PKIB: variants seen among roughly 807,000 people sequenced by gnomAD.
The protein encoded by PKIB is cAMP-dependent protein kinase inhibitor beta.
In PKIB, 2 loss-of-function variants were observed where a neutral mutation model predicts 4.5. That is an observed-to-expected ratio of 0.44 (90% confidence interval 0.18 to 1.39). The LOEUF (loss-of-function observed/expected upper bound fraction) is 1.39, where lower values mean the gene tolerates loss of function less well. Among genes scored for constraint, PKIB ranks in the 40% most tolerant of loss-of-function variants. PKIB has a pLI of 0.27. For synonymous variants in PKIB, 38 were observed against 36.0 expected (o/e 1.06, Z -0.20); for missense variants, 94 against 92.6 (o/e 1.02, Z -0.06).
intron 4 of PKIB, 51 bp downstream of exon 4, chr6:122,718,014 A>G (rs1434755091): frequency 6.4e-7 from 1 of 1,553,280 alleles, no homozygotes; most frequent in Non-Finnish European, 8.8e-7. Context: ...CTTCTTAACC[A>G]AGCCTTTTCT....
intron 2 of PKIB, among the ~76,000 whole-genome samples, chr6:122,505,761 T>C (rs1189910950): frequency 1.3e-5 from 2 of 152,290 alleles, no homozygotes; most frequent in South Asian, 2.1e-4. Context: ...ATTATATGAA[T>C]AGGGAGTTAT....
intron 3 of PKIB, among the ~76,000 whole-genome samples, chr6:122,597,807 C>T (rs557347321): frequency 1.3e-5 from 2 of 152,174 alleles, no homozygotes; most frequent in Non-Finnish European, 2.9e-5. Flanking sequence ...TGCATTCTGG[C>T]ACTGGGGAAA....
intron 2 of PKIB, among the ~76,000 whole-genome samples, chr6:122,633,641 C>G (rs895300992): frequency 1.3e-5 from 2 of 152,148 alleles, no homozygotes; most frequent in African/African-American, 4.8e-5. Flanking sequence ...GATATTTCCA[C>G]TCTTAGCTGT....
intron 2 of PKIB, among the ~76,000 whole-genome samples, chr6:122,667,718 C>T (rs555213393): frequency 2.0e-5 from 3 of 152,154 alleles, no homozygotes; most frequent in South Asian, 2.1e-4. Flanking sequence ...GCTTTGCAAG[C>T]AAACATTAAG....
chr6:122,490,954 G>T (rs9398675), intron 2 of PKIB, among the ~76,000 whole-genome samples: 8,559 of 152,204 alleles, frequency 0.056, 343 homozygotes, highest in Non-Finnish European at 0.091. Context: ...TAGTGGCAGT[G>T]AATCTATACT....
At chr6:122,723,794 A>G (rs1390800621) in intron 4 of PKIB, among the ~76,000 whole-genome samples, 1 of 152,164 alleles carries the variant, frequency 6.6e-6, no homozygotes, top group Non-Finnish European at 1.5e-5. Context: ...CTAGAATTGC[A>G]TCCTTCAGGC....
intron 3 of PKIB, among the ~76,000 whole-genome samples, chr6:122,699,986 T>A (rs935589852): frequency 6.6e-5 from 10 of 152,182 alleles, no homozygotes; most frequent in African/African-American, 1.4e-4. Context: ...TGAGCCCTAA[T>A]GCCAGTTAAA....
At chr6:122,722,531 A>G (rs1779785648) in intron 4 of PKIB, among the ~76,000 whole-genome samples, 1 of 152,184 alleles carries the variant, frequency 6.6e-6, no homozygotes, top group Admixed American at 6.5e-5. Context: ...TGAAAGCTAT[A>G]AAGCTTTGTG....
chr6:122,573,544 GA>G lies in PKIB; in HGVS notation c.-247-12367del, dbSNP rs199878368. Among the ~76,000 whole-genome samples, 462 of 134,822 alleles carry G rather than the reference GA, an allele frequency of 3.4e-3. 14 individuals are homozygous for G. The East Asian group carries it at 0.07, about 21-fold the overall frequency. 88.4% of individuals were successfully genotyped at this position (134,822 alleles called of 152,430 possible). On this transcript the variant is annotated intron_variant, in intron 2 of 6. Transcript: ENST00000392491. ...CTCAAAAAAAAAAAAAAAAGAAAAA[GA>G]AAAAAAAAAGAAGAAAAAAGAGATA...
intron 2 of PKIB, among the ~76,000 whole-genome samples, chr6:122,572,541 G>A (rs1481842818): frequency 6.7e-6 from 1 of 149,756 alleles, no homozygotes; most frequent in African/African-American, 2.5e-5. Context: ...AGCAAAAATA[G>A]ACAACCTAAT....
At chr6:122,702,152 C>T (rs996001687) in intron 3 of PKIB, among the ~76,000 whole-genome samples, 5 of 151,952 alleles carry the variant, frequency 3.3e-5, no homozygotes, top group African/African-American at 7.3e-5. Flanking sequence ...AATGAAACCT[C>T]ACATTGAGTG....
chr6:122,653,963 G>A (rs1009989925), intron 2 of PKIB, among the ~76,000 whole-genome samples: 2 of 151,910 alleles, frequency 1.3e-5, no homozygotes, highest in Admixed American at 6.6e-5. Flanking sequence ...GTCTCAAAAC[G>A]AACAAACAAA....
intron 1 of PKIB, among the ~76,000 whole-genome samples, chr6:122,615,080 C>T (rs191510988): frequency 3.2e-4 from 49 of 152,062 alleles, no homozygotes; most frequent in African/African-American, 1.0e-3. Flanking sequence ...AATTTATAAA[C>T]GCCAGGACTT....
intron 2 of PKIB, among the ~76,000 whole-genome samples, chr6:122,656,602 A>G (rs1465599553): frequency 1.3e-5 from 2 of 152,148 alleles, no homozygotes; most frequent in Admixed American, 1.3e-4. Flanking sequence ...AGGGCCATGG[A>G]GTTGCAGCTT....
intron 3 of PKIB, among the ~76,000 whole-genome samples, chr6:122,597,661 G>T (rs575672511): frequency 2.3e-4 from 35 of 152,314 alleles, no homozygotes; most frequent in Admixed American, 6.5e-4. Flanking sequence ...CTCCAGGGAT[G>T]CAATATTGCT....
rs1554220234 is a variant in PKIB at position 122,561,988 on chromosome 6, G to GTTTGTGTTTTTTTTTTTTTTTTT, written c.-247-23930_-247-23929insGTGTTTTTTTTTTTTTTTTTTTT. ...TTGCCTGCATAGTTTTTTTTTGTTT[G>GTTTGTGTTTTTTTTTTTTTTTTT]TTTTTGTTTTTTTTTGTTTTTTTTT... On this transcript the variant is annotated intron_variant, in intron 2 of 6. Transcript: ENST00000392491. Among the ~76,000 whole-genome samples, 49 of 24,250 alleles carry GTTTGTGTTTTTTTTTTTTTTTTT rather than the reference G, an allele frequency of 2.0e-3. 1 individual carries two copies. Among genetic ancestry groups the GTTTGTGTTTTTTTTTTTTTTTTT allele is most frequent in the East Asian group, 5.1e-3 (3 of 584 alleles). The allele number at this position is 24,250 out of a possible 152,430, so 15.9% of individuals were successfully genotyped here.
At chr6:122,588,796 T>C (rs1773929767) in intron 3 of PKIB, among the ~76,000 whole-genome samples, 1 of 152,188 alleles carries the variant, frequency 6.6e-6, no homozygotes, top group Non-Finnish European at 1.5e-5. Flanking sequence ...GTCATGTAGA[T>C]ATATAAATTT....
At chr6:122,538,406 A>G (rs376900000) in intron 2 of PKIB, among the ~76,000 whole-genome samples, 48 of 151,712 alleles carry the variant, frequency 3.2e-4, no homozygotes, top group Admixed American at 2.8e-3. Flanking sequence ...TGGCTAGCCA[A>G]TTTTCCCAGC....
intron 2 of PKIB, among the ~76,000 whole-genome samples, chr6:122,537,075 A>C (rs1371186754): frequency 4.0e-5 from 6 of 151,862 alleles, no homozygotes; most frequent in Non-Finnish European, 7.4e-5. Context: ...TTTTTTCTTT[A>C]TACTGGTGCT....
Sources: allele counts gnomAD v4.1 joint callset (sites outside exome capture counted in the v4.1 genomes callset), GRCh38; gene constraint gnomAD v4.1.1; transcripts MANE v1.5; gene names NCBI Gene and HGNC (gene_info 2026-07-23, HGNC 2026-07-21).